Variants in SPOCK3 observed in about 807,000 individuals in gnomAD.
The protein encoded by SPOCK3 is testican-3.
Under a neutral mutation model 56.6 loss-of-function variants are expected in SPOCK3, and 30 were observed. That is an observed-to-expected ratio of 0.53 (90% CI 0.40 to 0.72). The LOEUF is 0.72. SPOCK3 is among the 30% of genes least tolerant of loss of function. The pLI is 0.00. For synonymous variants in SPOCK3, 196 were observed against 183.3 expected, an observed-to-expected ratio of 1.07 and a Z score of -0.56; for missense variants, 527 against 530.0, an observed-to-expected ratio of 0.99 and a Z score of 0.06.
chr4:166,915,155 A>C (rs1039451612), intron 4 of SPOCK3, among the ~76,000 whole-genome samples: 1 of 152,150 alleles, frequency 6.6e-6, no homozygotes, highest in Admixed American at 6.5e-5. Flanking sequence ...ACCTATATGT[A>C]ATATCACTAT....
chr4:166,907,827 T>C (rs1170059194), intron 5 of SPOCK3, among the ~76,000 whole-genome samples: 2 of 152,042 alleles, frequency 1.3e-5, no homozygotes, highest in East Asian at 3.9e-4. Flanking sequence ...AATAAGAAAG[T>C]ATCCCCATAA....
chr4:166,963,034 AG>A (rs1744312849), intron 4 of SPOCK3, among the ~76,000 whole-genome samples: 1 of 152,076 alleles, frequency 6.6e-6, no homozygotes, highest in Non-Finnish European at 1.5e-5. Context: ...TGTTCTAGGT[AG>A]GACAATTTGC....
At chr4:166,819,726 C>G (rs1190481596) in intron 6 of SPOCK3, among the ~76,000 whole-genome samples, 1 of 151,092 alleles carries the variant, frequency 6.6e-6, no homozygotes, top group Non-Finnish European at 1.5e-5. Flanking sequence ...TGAGAGATAC[C>G]ACATTCATGA....
chr4:167,207,515 T>C (rs956798471), intron 2 of SPOCK3, among the ~76,000 whole-genome samples: 1 of 152,250 alleles, frequency 6.6e-6, no homozygotes, highest in Middle Eastern at 3.4e-3. Context: ...AAAACATGAA[T>C]CTTTAACTAT....
chr4:167,025,035 T>C (rs1423100099), intron 3 of SPOCK3, among the ~76,000 whole-genome samples: 4 of 151,952 alleles, frequency 2.6e-5, no homozygotes, highest in Non-Finnish European at 5.9e-5. Flanking sequence ...GACTGGATCA[T>C]TGAGGATAAG....
At chr4:166,860,828 T>TATATATATGTATATATATAG (rs1731178806) in intron 6 of SPOCK3, among the ~76,000 whole-genome samples, 1 of 147,294 alleles carries the variant, frequency 6.8e-6, no homozygotes, top group African/African-American at 2.5e-5. Flanking sequence ...TATATATATA[T>TATATATATGTATATATATAG]ATGCATAAAA....
At chr4:166,801,207 C>T (rs947255655) in intron 6 of SPOCK3, among the ~76,000 whole-genome samples, 5 of 152,088 alleles carry the variant, frequency 3.3e-5, no homozygotes, top group African/African-American at 1.2e-4. Flanking sequence ...CTCATCAACT[C>T]AAACATGGGG....
intron 7 of SPOCK3, among the ~76,000 whole-genome samples, chr4:166,767,167 G>GT (rs1251555185): frequency 2.6e-5 from 4 of 152,028 alleles, no homozygotes; most frequent in South Asian, 2.1e-4. Flanking sequence ...TTTTTGAAGG[G>GT]TTTTTTGTGT....
chr4:167,091,835 G>T (rs34103358), intron 2 of SPOCK3, among the ~76,000 whole-genome samples: 3,831 of 152,074 alleles, frequency 0.025, 78 homozygotes, highest in Middle Eastern at 0.059. Context: ...CTATATTTTT[G>T]CCAAATAATA....
chr4:166,959,380 C>T (rs540284784), intron 4 of SPOCK3, among the ~76,000 whole-genome samples: 124 of 151,874 alleles, frequency 8.2e-4, no homozygotes, highest in Non-Finnish European at 1.6e-3. Context: ...TTTGGGAGGC[C>T]GAGGTAGGTG....
rs1038427845 is a variant in SPOCK3 at position 166,792,531 on chromosome 4, C to A, written c.590-242G>T. ...ACTTGTGCTCTTCATTAGAATATGA[C>A]ACTTGGAGGATTTGTATTGATAACA... On this transcript the variant is annotated intron_variant, in intron 6 of 10. Transcript: ENST00000357545. 2.6e-5 allele frequency among the ~76,000 whole-genome samples: 4 copies of A among 152,198 alleles called. No individual in the cohort carries two copies. The South Asian group carries it at 8.3e-4, about 32-fold the overall frequency.
At chr4:167,011,229 G>A (rs1326171425) in intron 3 of SPOCK3, 1 of 454,850 alleles carries the variant, frequency 2.2e-6, no homozygotes, top group African/African-American at 2.0e-5. Context: ...TACCTGGCAA[G>A]TACTAATCCA....
intron 6 of SPOCK3, among the ~76,000 whole-genome samples, chr4:166,868,237 G>T (rs1321829929): frequency 6.6e-6 from 1 of 151,394 alleles, no homozygotes; most frequent in African/African-American, 2.4e-5. Context: ...CATGAGACCG[G>T]GAGTTTGAAA....
chr4:166,738,343 GAAC>G (rs1734433464), intron 9 of SPOCK3, among the ~76,000 whole-genome samples: 1 of 151,888 alleles, frequency 6.6e-6, no homozygotes, highest in African/African-American at 2.4e-5. Context: ...ATTGTTGTGT[GAAC>G]AACATCTCAA....
intron 2 of SPOCK3, among the ~76,000 whole-genome samples, chr4:167,134,230 G>A (rs756504835): frequency 1.3e-4 from 20 of 151,132 alleles, no homozygotes; most frequent in Admixed American, 4.0e-4. Flanking sequence ...ATAGGGTTTC[G>A]CCATTTTGGC....
At chr4:166,841,782 C>G (rs1747379228) in intron 6 of SPOCK3, among the ~76,000 whole-genome samples, 1 of 152,214 alleles carries the variant, frequency 6.6e-6, no homozygotes, top group South Asian at 2.1e-4. Context: ...ATGATGCCTT[C>G]TTGAGTACGA....
intron 7 of SPOCK3, among the ~76,000 whole-genome samples, chr4:166,765,033 GTTCT>G (rs944243118): frequency 1.2e-4 from 19 of 152,220 alleles, no homozygotes; most frequent in Admixed American, 2.0e-4. Flanking sequence ...TTTTCGATGG[GTTCT>G]TTGTTTTTTT....
chr4:166,860,199 A>T (rs1459165159), intron 6 of SPOCK3, among the ~76,000 whole-genome samples: 1 of 152,132 alleles, frequency 6.6e-6, no homozygotes, highest in Admixed American at 6.6e-5. Flanking sequence ...TCTAGGGAAG[A>T]TTATGCATGG....
intron 6 of SPOCK3, among the ~76,000 whole-genome samples, chr4:166,887,226 T>C (rs780899917): frequency 3.9e-5 from 6 of 152,190 alleles, no homozygotes; most frequent in Non-Finnish European, 7.3e-5. Flanking sequence ...TATCATAAAT[T>C]AATACTACAT....
Sources: allele counts gnomAD v4.1 joint callset (sites outside exome capture counted in the v4.1 genomes callset), GRCh38; gene constraint gnomAD v4.1.1; transcripts MANE v1.5; gene names NCBI Gene and HGNC (gene_info 2026-07-23, HGNC 2026-07-21).